Variants in NTM observed in about 807,000 individuals in gnomAD.
NTM encodes the protein IgLON family member 2.
Under a neutral mutation model 42.1 loss-of-function variants are expected in NTM, and 13 were observed. The ratio of observed to expected loss-of-function variants is 0.31; its 90% CI spans 0.20 to 0.49. NTM has a LOEUF of 0.49. Ranked by LOEUF, NTM falls within the 20% of genes least tolerant of loss-of-function variation. The probability of loss-of-function intolerance (pLI) is 0.99; values close to 1 mark genes in which losing one functional copy is unlikely to be tolerated. For missense variants in NTM, 373 were observed against 452.8 expected (o/e 0.82, Z 1.60); for synonymous variants, 187 against 179.2 (o/e 1.04, Z -0.35).
chr11:131,789,018 G>T (rs1173016079), intron 1 of NTM, among the ~76,000 whole-genome samples: 1 of 152,078 alleles, frequency 6.6e-6, no homozygotes, highest in African/African-American at 2.4e-5. Context: ...CAGGGGGCCG[G>T]GGTCTCTGCG....
chr11:131,706,207 A>G lies in NTM; in HGVS notation c.83-205357A>G, dbSNP rs140559576. ...GCTATACTTATACTGGAAAAAATAGACTTTAAGTCAAAAATTGTCAGAAGA... is the reference window on the plus strand; with the variant it reads ...GCTATACTTATACTGGAAAAAATAGGCTTTAAGTCAAAAATTGTCAGAAGA... On this transcript the variant is annotated intron_variant, in intron 1 of 8. Coordinates refer to ENST00000683400, the MANE Select transcript of NTM (RefSeq NM_001352005.2). Among the ~76,000 whole-genome samples, 125 of 152,136 alleles carry G rather than the reference A, an allele frequency of 8.2e-4. 2 individuals carry two copies. The East Asian group carries it at 0.022, about 26-fold the overall frequency.
intron 1 of NTM, among the ~76,000 whole-genome samples, chr11:131,701,889 T>A (rs1365914823): frequency 6.6e-6 from 1 of 152,128 alleles, no homozygotes; most frequent in Non-Finnish European, 1.5e-5. Flanking sequence ...ACCACCCTGG[T>A]TTTAAAAGTA....
intron 1 of NTM, among the ~76,000 whole-genome samples, chr11:131,697,692 C>A (rs1348999281): frequency 1.3e-5 from 2 of 152,156 alleles, no homozygotes; most frequent in East Asian, 1.9e-4. Context: ...TAGGAATGTA[C>A]TTTTCAATGT....
At chr11:131,421,228 G>T (rs765254633) in intron 1 of NTM, among the ~76,000 whole-genome samples, 2 of 152,202 alleles carry the variant, frequency 1.3e-5, no homozygotes, top group Non-Finnish European at 2.9e-5. Context: ...CTAGGGAATG[G>T]CTGACTCTCA....
At chr11:131,537,165 T>G (rs1266447596) in intron 1 of NTM, 3 of 149,388 alleles carry the variant, frequency 2.0e-5, no homozygotes, top group Non-Finnish European at 4.5e-5. Context: ...GGGATGAGCT[T>G]CTTCATCTAG....
chr11:131,784,737 T>G (rs952538364), intron 1 of NTM, among the ~76,000 whole-genome samples: 1 of 152,218 alleles, frequency 6.6e-6, no homozygotes, highest in Non-Finnish European at 1.5e-5. Context: ...CTGCACACTT[T>G]AAGTGGTCGC....
intron 1 of NTM, among the ~76,000 whole-genome samples, chr11:131,904,441 T>A (rs1592712406): frequency 6.6e-6 from 1 of 152,204 alleles, no homozygotes; most frequent in African/African-American, 2.4e-5. Context: ...TGTGTGTGCC[T>A]GTAGATGAAT....
intron 8 of NTM, among the ~76,000 whole-genome samples, chr11:132,331,297 C>G (rs1230402653): frequency 6.6e-6 from 1 of 152,162 alleles, no homozygotes; most frequent in Non-Finnish European, 1.5e-5. Context: ...GTTGTGATAG[C>G]TTTCCCAGTG....
chr11:132,331,725 G>A (rs148694607), intron 8 of NTM, among the ~76,000 whole-genome samples: 1 of 152,196 alleles, frequency 6.6e-6, no homozygotes. Context: ...TTTTACTAGT[G>A]GGATGTGTAT....
At chr11:132,156,586 C>T (rs1008045509) in intron 3 of NTM, among the ~76,000 whole-genome samples, 2 of 152,210 alleles carry the variant, frequency 1.3e-5, no homozygotes, top group Admixed American at 6.5e-5. Context: ...TGCATTCTAT[C>T]CCCAGTGCCT....
At chr11:132,241,726 T>G (rs545304609) in intron 4 of NTM, among the ~76,000 whole-genome samples, 4 of 152,232 alleles carry the variant, frequency 2.6e-5, no homozygotes, top group Non-Finnish European at 5.9e-5. Context: ...GGGGTCTTTC[T>G]TAAAAGCTAT....
chr11:131,871,830 T>C (rs1190406642), intron 1 of NTM, among the ~76,000 whole-genome samples: 1 of 152,170 alleles, frequency 6.6e-6, no homozygotes, highest in Non-Finnish European at 1.5e-5. Flanking sequence ...CCCCTAGGTC[T>C]TTCCTTTGTC....
At chr11:131,822,174 C>G (rs2093217319) in intron 1 of NTM, among the ~76,000 whole-genome samples, 1 of 152,252 alleles carries the variant, frequency 6.6e-6, no homozygotes, top group East Asian at 1.9e-4. Flanking sequence ...GCAGTCGTCA[C>G]CCCGTTTAAT....
chr11:132,096,449 AT>A (rs1280962485), intron 2 of NTM, among the ~76,000 whole-genome samples: 10 of 152,188 alleles, frequency 6.6e-5, no homozygotes, highest in Non-Finnish European at 1.3e-4. Context: ...TTAAAGTTGC[AT>A]TTAGAATGGG....
intron 2 of NTM, among the ~76,000 whole-genome samples, chr11:131,968,752 A>C (rs74701608): frequency 6.6e-6 from 1 of 152,068 alleles, no homozygotes; most frequent in African/African-American, 2.4e-5. Flanking sequence ...TCACTTTTAT[A>C]ATTCACACAT....
At chr11:131,730,444 G>A (rs2079504093) in intron 1 of NTM, among the ~76,000 whole-genome samples, 1 of 152,112 alleles carries the variant, frequency 6.6e-6, no homozygotes, top group African/African-American at 2.4e-5. Flanking sequence ...GCCAGGTTCG[G>A]TGGCTCACAT....
intron 3 of NTM, among the ~76,000 whole-genome samples, chr11:132,197,438 T>A (rs2138387874): frequency 6.6e-6 from 1 of 152,280 alleles, no homozygotes; most frequent in African/African-American, 2.4e-5. Context: ...AAATTACCAT[T>A]TGTCATAACC....
chr11:132,096,541 CCTAATGAT>C (rs1004708742), intron 2 of NTM, among the ~76,000 whole-genome samples: 3 of 152,146 alleles, frequency 2.0e-5, no homozygotes, highest in African/African-American at 7.2e-5. Flanking sequence ...ATAATATTCG[CCTAATGAT>C]CTTACAAGCA....
At chr11:131,417,797 G>T (rs1947105109) in intron 1 of NTM, among the ~76,000 whole-genome samples, 1 of 152,178 alleles carries the variant, frequency 6.6e-6, no homozygotes, top group African/African-American at 2.4e-5. Flanking sequence ...CAAGAAGGAA[G>T]TCAGTCAATG....
Sources: allele counts gnomAD v4.1 joint callset (sites outside exome capture counted in the v4.1 genomes callset), GRCh38; gene constraint gnomAD v4.1.1; transcripts MANE v1.5; gene names NCBI Gene and HGNC (gene_info 2026-07-23, HGNC 2026-07-21).